PRR16: variants seen among roughly 807,000 people sequenced by gnomAD.
The protein encoded by PRR16 is protein Largen.
Under a neutral mutation model 18.2 loss-of-function variants are expected in PRR16, and 6 were observed. The observed-to-expected ratio is 0.33, with a 90% confidence interval of 0.18 to 0.65. The LOEUF is 0.65. Among genes scored for constraint, PRR16 ranks in the 30% least tolerant of loss-of-function variants. The pLI, the probability that PRR16 is intolerant of heterozygous loss-of-function variation, is 0.74. For missense variants in PRR16, 412 were observed against 376.6 expected (o/e 1.09, Z -0.78); for synonymous variants, 151 against 147.8 (o/e 1.02, Z -0.16).
chr5:120,779,979 A>T, the PRR16 span, among the ~76,000 whole-genome samples: 1 of 152,170 alleles, frequency 6.6e-6, no homozygotes, highest in Non-Finnish European at 1.5e-5. Context: ...GTCTCTTTAT[A>T]AAGGGGAAAT....
chr5:120,549,331 C>A (rs1221441651), intron 1 of PRR16, among the ~76,000 whole-genome samples: 1 of 152,080 alleles, frequency 6.6e-6, no homozygotes, highest in African/African-American at 2.4e-5. Context: ...CAAGCCTTGA[C>A]CTCTCAAAGT....
intron 1 of PRR16, among the ~76,000 whole-genome samples, chr5:120,553,470 C>A: frequency 6.6e-6 from 1 of 151,798 alleles, no homozygotes; most frequent in South Asian, 2.1e-4. Flanking sequence ...AAATAATTTT[C>A]AATCTGAATA....
chr5:120,559,336 A>G (rs1003425208), intron 1 of PRR16, among the ~76,000 whole-genome samples: 5 of 151,924 alleles, frequency 3.3e-5, no homozygotes, highest in Admixed American at 3.3e-4. Context: ...GATGAGAGGT[A>G]AGGGTCTAGT....
intron 1 of PRR16, among the ~76,000 whole-genome samples, chr5:120,647,124 C>T (rs777366485): frequency 1.3e-5 from 2 of 151,808 alleles, no homozygotes; most frequent in African/African-American, 4.8e-5. Flanking sequence ...TTATAGAAAC[C>T]TCAAAAGGAG....
At chr5:120,732,986 C>A in the PRR16 span, among the ~76,000 whole-genome samples, 412 of 152,242 alleles carry the variant, frequency 2.7e-3, 3 homozygotes, top group African/African-American at 9.6e-3. Context: ...TTTGTTGAGA[C>A]AACTTTTGCT....
chr5:120,464,698 G>A (rs1324334489), intron 1 of PRR16, 53 bp downstream of exon 1: 2 of 1,455,496 alleles, frequency 1.4e-6, no homozygotes, highest in Non-Finnish European at 1.8e-6. Flanking sequence ...CCCCTCCGGG[G>A]TCCCCTTTCC....
chr5:120,560,385 A>G (rs182703107), intron 1 of PRR16, among the ~76,000 whole-genome samples: 25 of 152,050 alleles, frequency 1.6e-4, no homozygotes, highest in Admixed American at 3.3e-4. Context: ...TTCAGCATCA[A>G]TTGAAATGAT....
chr5:120,655,583 T>C (rs919559679), intron 1 of PRR16, among the ~76,000 whole-genome samples: 13 of 151,860 alleles, frequency 8.6e-5, no homozygotes, highest in African/African-American at 3.1e-4. Context: ...CCAAAATATT[T>C]CTTTACTCAA....
At chr5:120,631,036 G>T (rs1314911579) in intron 1 of PRR16, among the ~76,000 whole-genome samples, 2 of 152,138 alleles carry the variant, frequency 1.3e-5, no homozygotes, top group African/African-American at 4.8e-5. Context: ...TTTAATGTTT[G>T]TAATCAACTC....
the PRR16 span, among the ~76,000 whole-genome samples, chr5:120,770,998 G>GTCTA: frequency 6.7e-6 from 1 of 148,760 alleles, no homozygotes; most frequent in South Asian, 2.1e-4. Context: ...TTATTTGAAT[G>GTCTA]TCTATCTTTA....
intron 1 of PRR16, among the ~76,000 whole-genome samples, chr5:120,470,164 AT>A (rs992859827): frequency 6.6e-6 from 1 of 152,158 alleles, no homozygotes; most frequent in Non-Finnish European, 1.5e-5. Flanking sequence ...TTCAGGGGCA[AT>A]TTTAGAGATT....
chr5:120,652,869 A>T (rs1436406433), intron 1 of PRR16, among the ~76,000 whole-genome samples: 2 of 152,002 alleles, frequency 1.3e-5, no homozygotes, highest in African/African-American at 2.4e-5. Context: ...CTAATGTAAG[A>T]TGCTAAAAAT....
chr5:120,561,769 C>T (rs1752582410), intron 1 of PRR16, among the ~76,000 whole-genome samples: 1 of 152,048 alleles, frequency 6.6e-6, no homozygotes, highest in African/African-American at 2.4e-5. Flanking sequence ...TTGAATAAGT[C>T]TCATGAGATC....
Position 120,523,782 on chromosome 5 carries a change from T to G in PRR16, c.159+59137T>G, listed in dbSNP as rs371454442. 5.2e-4 allele frequency among the ~76,000 whole-genome samples: 73 copies of G among 141,300 alleles called. 1 individual carries two copies. The East Asian group carries it at 6.8e-3, about 13-fold the overall frequency. 92.7% of individuals were successfully genotyped at this position (141,300 alleles called of 152,430 possible). Reference sequence around the variant, plus strand: ...AATTTTCAGAGTGAGTGTGTATATATGTATTGATATATTGAATACTTTTAA... The same window carrying G: ...AATTTTCAGAGTGAGTGTGTATATAGGTATTGATATATTGAATACTTTTAA... On this transcript the variant is annotated intron_variant, in intron 1 of 1. Coordinates refer to ENST00000407149, the MANE Select transcript of PRR16 (RefSeq NM_001300783.2).
At chr5:120,604,273 TC>T (rs1317508029) in intron 1 of PRR16, among the ~76,000 whole-genome samples, 1 of 152,136 alleles carries the variant, frequency 6.6e-6, no homozygotes, top group African/African-American at 2.4e-5. Flanking sequence ...ATGTAAGTCT[TC>T]TTTTTGAATT....
chr5:120,678,710 T>A (rs759465990), intron 1 of PRR16, among the ~76,000 whole-genome samples: 6 of 152,202 alleles, frequency 3.9e-5, no homozygotes, highest in Non-Finnish European at 7.3e-5. Flanking sequence ...CTTTTCTAAA[T>A]ATAAGATCAT....
At chr5:120,624,933 C>T (rs980073187) in intron 1 of PRR16, among the ~76,000 whole-genome samples, 4 of 152,114 alleles carry the variant, frequency 2.6e-5, no homozygotes, top group African/African-American at 4.8e-5. Flanking sequence ...GTTCCCTGCG[C>T]AAGCTCTCTT....
chr5:120,662,584 C>G (rs1050064693), intron 1 of PRR16, among the ~76,000 whole-genome samples: 1 of 152,022 alleles, frequency 6.6e-6, no homozygotes, highest in Non-Finnish European at 1.5e-5. Flanking sequence ...ACTATGTATT[C>G]CTTTCTTTCT....
chr5:120,598,632 A>G (rs1382239888), intron 1 of PRR16, among the ~76,000 whole-genome samples: 1 of 151,692 alleles, frequency 6.6e-6, no homozygotes, highest in Non-Finnish European at 1.5e-5. Flanking sequence ...TTTTATGTCC[A>G]TGTGTACTTA....
Sources: allele counts gnomAD v4.1 joint callset (sites outside exome capture counted in the v4.1 genomes callset), GRCh38; gene constraint gnomAD v4.1.1; transcripts MANE v1.5; gene names NCBI Gene and HGNC (gene_info 2026-07-23, HGNC 2026-07-21).